The following VSTM4 variants were observed in gnomAD, a reference collection of about 807,000 sequenced individuals.
VSTM4 encodes the protein V-set and transmembrane domain-containing protein 4.
Under a neutral mutation model 36.4 loss-of-function variants are expected in VSTM4, and 20 were observed. That is an observed-to-expected ratio of 0.55 (90% CI 0.39 to 0.80). The LOEUF is 0.80. Among genes scored for constraint, VSTM4 ranks in the 30% least tolerant of loss-of-function variants. The probability of loss-of-function intolerance (pLI) is 0.00; values close to 1 mark genes in which losing one functional copy is unlikely to be tolerated. For synonymous variants in VSTM4, 182 were observed against 173.9 expected, an observed-to-expected ratio of 1.05 and a Z score of -0.37; for missense variants, 392 against 404.5, an observed-to-expected ratio of 0.97 and a Z score of 0.26.
chr10:49,099,559 T>TC (rs1396867278), intron 2 of VSTM4, among the ~76,000 whole-genome samples: 1 of 152,228 alleles, frequency 6.6e-6, no homozygotes, highest in Admixed American at 6.5e-5. Flanking sequence ...CCTCATGATT[T>TC]CCACTAGAAA....
Position 49,019,542 on chromosome 10 carries a change from C to A in VSTM4, c.*108G>T. The A allele has an allele frequency of 7.1e-7, 1 of 1,408,022 alleles. No individual in the cohort carries two copies. Among genetic ancestry groups the A allele is most frequent in the Non-Finnish European group, 9.3e-7 (1 of 1,071,118 alleles). The allele number at this position is 1,408,022 out of a possible 1,614,324, so 87.2% of individuals were successfully genotyped here. ...AATGCTGCTGAAAAGGGGCTCCCCA[C>A]CACTCAGAAGGCATGAGTGAAAATA... On this transcript the variant is annotated 3_prime_UTR_variant, in exon 8 of 8. Transcript: ENST00000332853.
At chr10:49,073,001 C>T (rs1424134590) in intron 4 of VSTM4, among the ~76,000 whole-genome samples, 1 of 152,204 alleles carries the variant, frequency 6.6e-6, no homozygotes, top group East Asian at 1.9e-4. Context: ...TGTGTGTTGA[C>T]AGGAAAGGCA....
intron 4 of VSTM4, among the ~76,000 whole-genome samples, chr10:49,075,458 A>T (rs1844159962): frequency 6.6e-6 from 1 of 152,264 alleles, no homozygotes; most frequent in Admixed American, 6.5e-5. Flanking sequence ...AGGAGAATGA[A>T]TTGAATGTGT....
chr10:49,028,939 A>C (rs996747196), intron 7 of VSTM4, among the ~76,000 whole-genome samples: 3 of 152,228 alleles, frequency 2.0e-5, no homozygotes, highest in African/African-American at 7.2e-5. Context: ...CCCATGAGAG[A>C]ATTACAAATT....
chr10:49,024,653 C>T (rs1843230116), intron 7 of VSTM4, among the ~76,000 whole-genome samples: 1 of 152,136 alleles, frequency 6.6e-6, no homozygotes, highest in Admixed American at 6.5e-5. Flanking sequence ...AATGTTTTGG[C>T]CCAGCAGCTG....
In VSTM4 at chr10:49,018,831, T is replaced by G. The variant is rs1009078615; in HGVS notation, c.*819A>C. The G allele has an allele frequency of 6.6e-6, 1 of 152,248 alleles. No individual in the cohort carries two copies. Among genetic ancestry groups the G allele is most frequent in the Non-Finnish European group, 1.5e-5 (1 of 68,044 alleles). 9.4% of individuals were successfully genotyped at this position (152,248 alleles called of 1,614,324 possible). On this transcript the variant is annotated 3_prime_UTR_variant, in exon 8 of 8. Transcript: ENST00000332853. ...CTTCAGGGGCTGAATCAGAGGTGACTGAGCTTGGCACACAGTGAAGAGGCC... is the reference window on the plus strand; with the variant it reads ...CTTCAGGGGCTGAATCAGAGGTGACGGAGCTTGGCACACAGTGAAGAGGCC...
rs1844815490 is a variant in VSTM4 at position 49,107,814 on chromosome 10, G to A, written c.237C>T (p.Thr79=). 6.2e-7 allele frequency: 1 copy of A among 1,614,278 alleles called. No homozygotes were observed. Among genetic ancestry groups the A allele is most frequent in the East Asian group, 2.2e-5 (1 of 44,890 alleles). ...DSQEALMVKM[T]KLRVVQYYGN... Reference sequence around the variant, plus strand: ...CATAGTACTGCACCACCCGGAGCTTGGTCATCTTCACCATCAAGGCCTCCT... The same window carrying A: ...CATAGTACTGCACCACCCGGAGCTTAGTCATCTTCACCATCAAGGCCTCCT... The change falls in exon 2 of 8, where the codon ACC becomes ACT. Residue 79 remains threonine, a synonymous_variant. Transcript: ENST00000332853.
Position 49,098,152 on chromosome 10 carries a change from G to A in VSTM4, c.457+9442C>T, listed in dbSNP as rs112074390. Among the ~76,000 whole-genome samples, 463 of 152,196 alleles carry A rather than the reference G, an allele frequency of 3.0e-3. 5 individuals are homozygous for A. The highest frequency in any genetic ancestry group is 9.6e-3 in the African/African-American group (399 of 41,518). On this transcript the variant is annotated intron_variant, in intron 2 of 7. Coordinates refer to ENST00000332853, the MANE Select transcript of VSTM4 (RefSeq NM_001031746.5). ...CTTATGCTCCCTCAATTCTCATCCC[G>A]TTTTCCTTGTGCCACCCCCTTCAGC...
intron 7 of VSTM4, among the ~76,000 whole-genome samples, chr10:49,030,153 T>A (rs1433638470): frequency 1.3e-5 from 2 of 152,140 alleles, no homozygotes; most frequent in Non-Finnish European, 2.9e-5. Flanking sequence ...ACTGAAGACG[T>A]CCAGGGGCAT....
intron 7 of VSTM4, among the ~76,000 whole-genome samples, chr10:49,046,029 G>C (rs1055209907): frequency 3.3e-5 from 5 of 152,076 alleles, no homozygotes; most frequent in African/African-American, 1.2e-4. Flanking sequence ...AGTTTTTCCT[G>C]TGCTCACACA....
intron 2 of VSTM4, among the ~76,000 whole-genome samples, chr10:49,096,681 T>C (rs1450996044): frequency 7.4e-6 from 1 of 136,026 alleles, no homozygotes; most frequent in Non-Finnish European, 1.5e-5. Flanking sequence ...TGAGACGGAG[T>C]TTTGCTCTTG....
chr10:49,065,940 T>C (rs565630569), intron 4 of VSTM4, among the ~76,000 whole-genome samples: 4 of 152,066 alleles, frequency 2.6e-5, no homozygotes, highest in Admixed American at 6.6e-5. Flanking sequence ...TACTGTATAC[T>C]AGATAATCTA....
chr10:49,049,442 G>A (rs756744688), intron 5 of VSTM4, among the ~76,000 whole-genome samples: 1 of 152,098 alleles, frequency 6.6e-6, no homozygotes, highest in Non-Finnish European at 1.5e-5. Flanking sequence ...GCTGGAGTTC[G>A]CAAACTTTCT....
intron 3 of VSTM4, among the ~76,000 whole-genome samples, chr10:49,083,538 T>C (rs184957957): frequency 1.1e-3 from 160 of 152,278 alleles, no homozygotes; most frequent in Non-Finnish European, 9.4e-4. Context: ...TAGGAAAAGA[T>C]TGGTCTGTAA....
At chr10:49,102,412 G>T (rs1844684560) in intron 2 of VSTM4, 1 of 985,242 alleles carries the variant, frequency 1.0e-6, no homozygotes, top group African/African-American at 1.7e-5. Flanking sequence ...GGGATTACAG[G>T]CGTAAGCCAC....
At chr10:49,049,534 C>T (rs545762238) in intron 5 of VSTM4, among the ~76,000 whole-genome samples, 20 of 152,164 alleles carry the variant, frequency 1.3e-4, no homozygotes, top group African/African-American at 4.3e-4. Context: ...ATCTCTTGTC[C>T]GCAGGCACAT....
intron 7 of VSTM4, among the ~76,000 whole-genome samples, chr10:49,037,351 G>A (rs1843446974): frequency 6.6e-6 from 1 of 152,204 alleles, no homozygotes; most frequent in South Asian, 2.1e-4. Context: ...GTTAATTGCA[G>A]GTTCCACTTC....
chr10:49,107,255 C>T (rs1164930717), intron 2 of VSTM4, among the ~76,000 whole-genome samples: 1 of 152,208 alleles, frequency 6.6e-6, no homozygotes, highest in Non-Finnish European at 1.5e-5. Flanking sequence ...TGCCCTGACC[C>T]CTTTGACCAG....
chr10:49,067,326 G>A (rs1843991375), intron 4 of VSTM4, among the ~76,000 whole-genome samples: 1 of 152,206 alleles, frequency 6.6e-6, no homozygotes, highest in Admixed American at 6.5e-5. Flanking sequence ...TTATCTTACA[G>A]CGGAGGACAC....
Sources: allele counts gnomAD v4.1 joint callset (sites outside exome capture counted in the v4.1 genomes callset), GRCh38; gene constraint gnomAD v4.1.1; transcripts MANE v1.5; gene names NCBI Gene and HGNC (gene_info 2026-07-23, HGNC 2026-07-21).